The following RNF111 variants were observed in gnomAD, a reference collection of about 807,000 sequenced individuals.
RNF111 encodes E3 ubiquitin-protein ligase Arkadia.
In RNF111, 17 loss-of-function variants were observed where a neutral mutation model predicts 95.1. The observed-to-expected ratio is 0.18, with a 90% CI of 0.12 to 0.27. RNF111 has a LOEUF of 0.27. Among genes scored for constraint, RNF111 ranks in the 10% least tolerant of loss-of-function variants. RNF111 has a pLI of 1.00. For missense variants in RNF111, 1,189 were observed against 1,210.4 expected (o/e 0.98, Z 0.26); for synonymous variants, 440 against 414.8 (o/e 1.06, Z -0.74).
intron 1 of RNF111, among the ~76,000 whole-genome samples, chr15:59,022,538 A>G (rs997063920): frequency 2.0e-5 from 3 of 152,200 alleles, no homozygotes; most frequent in African/African-American, 7.2e-5. Flanking sequence ...CCAACATGGA[A>G]TGGAGGATGT....
At chr15:59,088,509 G>A (rs551062588) in intron 10 of RNF111, among the ~76,000 whole-genome samples, 4 of 152,304 alleles carry the variant, frequency 2.6e-5, no homozygotes, top group South Asian at 2.1e-4. Context: ...TGAAGTGTCC[G>A]TTAAAGCTAT....
chr15:59,055,523 T>TAGTTGTTGACTCATTCAGCAA (rs6145581), intron 3 of RNF111, among the ~76,000 whole-genome samples, 159 bp from the exon 4 acceptor site: 1 of 151,680 alleles, frequency 6.6e-6, no homozygotes, highest in Non-Finnish European at 1.5e-5. Flanking sequence ...TTAGGTCAAT[T>TAGTTGTTGACTCATTCAGCAA]AGTTTACCGA....
At chr15:59,001,339 C>G (rs2039315521) in intron 1 of RNF111, among the ~76,000 whole-genome samples, 1 of 152,102 alleles carries the variant, frequency 6.6e-6, no homozygotes, top group Non-Finnish European at 1.5e-5. Flanking sequence ...TTTTACCTCT[C>G]TTCTCTTTTC....
chr15:59,052,544 G>C (rs2042032640), intron 3 of RNF111, 113 bp downstream of exon 3: 1 of 626,504 alleles, frequency 1.6e-6, no homozygotes, highest in Admixed American at 4.1e-5. Context: ...GACCCAGTTT[G>C]AGTATGCATA....
At chr15:59,051,350 C>G (rs1323027302) in intron 2 of RNF111, among the ~76,000 whole-genome samples, 1 of 150,766 alleles carries the variant, frequency 6.6e-6, no homozygotes, top group African/African-American at 2.4e-5. Flanking sequence ...TCTAGCTACT[C>G]GGGAGGCTGA....
chr15:59,080,238 A>G (rs1349559685), intron 7 of RNF111, among the ~76,000 whole-genome samples: 4 of 148,708 alleles, frequency 2.7e-5, no homozygotes, highest in Non-Finnish European at 5.9e-5. Flanking sequence ...CTCCTGCCTC[A>G]GCCTCCCTAG....
At chr15:59,007,041 C>A (rs747968811) in intron 1 of RNF111, among the ~76,000 whole-genome samples, 2 of 152,174 alleles carry the variant, frequency 1.3e-5, no homozygotes, top group Non-Finnish European at 2.9e-5. Flanking sequence ...CTGCCTCAGC[C>A]TCTTGAAGTG....
chr15:59,031,384 G>A lies in RNF111; in HGVS notation c.562G>A (p.Glu188Lys). 6.2e-7 allele frequency: 1 copy of A among 1,614,186 alleles called. No individual in the cohort carries two copies. The highest frequency in any genetic ancestry group is 8.5e-7 in the Non-Finnish European group (1 of 1,180,026). The change falls in exon 2 of 14, where the codon GAG (glutamate) becomes AAG (lysine). Residue 188 changes from glutamate to lysine, a missense_variant. By Grantham distance (56) the Glu-to-Lys change is moderately conservative. This residue lies in a region of RNF111 where 1,024 missense variants were observed against 925.9 expected (regional missense o/e 1.11). Transcript: ENST00000348370. Reference sequence around the variant, plus strand: ...ACGGTCTCATAAGTGGCCTCGGACTGAGACAGAATCTGTATCGGGATTGTT... The same window carrying A: ...ACGGTCTCATAAGTGGCCTCGGACTAAGACAGAATCTGTATCGGGATTGTT... Reference protein sequence around the residue: ...SARSHKWPRTETESVSGLLMK... With the variant: ...SARSHKWPRTKTESVSGLLMK...
At position 59,032,905 on chromosome 15, in the gene RNF111, T is replaced by TCA. The variant is rs1242525419; in HGVS notation, c.880+1212_880+1213dup. Among the ~76,000 whole-genome samples, 14 of 152,128 alleles carry TCA rather than the reference T, an allele frequency of 9.2e-5. No homozygotes were observed. The South Asian group carries it at 2.5e-3, about 27-fold the overall frequency. ...TGCGTGCTGACTCTCTCTCTCTCTC[T>TCA]CACACACACAGTAAATGTGATATTT... On this transcript the variant is annotated intron_variant, in intron 2 of 13. Coordinates refer to ENST00000348370, the MANE Select transcript of RNF111 (RefSeq NM_017610.8).
At chr15:58,989,526 G>C (rs1186761396) in intron 1 of RNF111, among the ~76,000 whole-genome samples, 7 of 152,218 alleles carry the variant, frequency 4.6e-5, no homozygotes, top group Admixed American at 3.9e-4. Context: ...ATCATGTGCA[G>C]ATCCTTCTGT....
chr15:59,065,975 A>G (rs1156383859), intron 5 of RNF111, among the ~76,000 whole-genome samples: 1 of 152,016 alleles, frequency 6.6e-6, no homozygotes, highest in African/African-American at 2.4e-5. Context: ...GGATAGTGAG[A>G]CTTCACCAGA....
intron 1 of RNF111, among the ~76,000 whole-genome samples, chr15:59,004,820 A>C (rs959379175): frequency 1.3e-5 from 2 of 152,200 alleles, no homozygotes; most frequent in Non-Finnish European, 2.9e-5. Flanking sequence ...ATATCAGAGA[A>C]AGAGTAGGTT....
intron 1 of RNF111, among the ~76,000 whole-genome samples, chr15:59,020,169 G>GT (rs1423813509): frequency 6.8e-6 from 1 of 148,062 alleles, no homozygotes; most frequent in Non-Finnish European, 1.5e-5. Flanking sequence ...TGTTAGATAT[G>GT]TAATATGCAA....
chr15:59,009,833 C>G (rs550589362), intron 1 of RNF111, among the ~76,000 whole-genome samples: 59 of 152,178 alleles, frequency 3.9e-4, no homozygotes, highest in African/African-American at 1.3e-3. Context: ...GCTCATGTCT[C>G]TAGTCCCAGT....
intron 1 of RNF111, among the ~76,000 whole-genome samples, chr15:59,000,214 A>G (rs1596036316): frequency 7.0e-6 from 1 of 142,010 alleles, no homozygotes; most frequent in East Asian, 2.1e-4. Context: ...CCCAGGCTAG[A>G]GTGCAGTGGT....
intron 1 of RNF111, among the ~76,000 whole-genome samples, chr15:58,995,058 T>C (rs1596019507): frequency 1.3e-5 from 2 of 152,230 alleles, no homozygotes; most frequent in African/African-American, 4.8e-5. Flanking sequence ...TTTAGTCTCC[T>C]GTAATGTGGA....
chr15:59,040,630 G>T (rs1237284230), intron 2 of RNF111, among the ~76,000 whole-genome samples: 1 of 152,050 alleles, frequency 6.6e-6, no homozygotes, highest in Admixed American at 6.6e-5. Context: ...TTGCCTTGTC[G>T]TATATATGCC....
Position 59,076,219 on chromosome 15 carries a change from A to G in RNF111, c.1948+4A>G. On this transcript the variant is annotated splice_donor_region_variant and intron_variant, in intron 7 of 13. Transcript: ENST00000348370. ...CGACATTACATGCCACCCCCTTGTA[A>G]GTATATACTTAGTGGACACAAAATC... 6.2e-7 allele frequency: 1 copy of G among 1,612,040 alleles called. No homozygotes were observed. Among genetic ancestry groups the G allele is most frequent in the Non-Finnish European group, 8.5e-7 (1 of 1,179,282 alleles).
At chr15:59,027,833 C>T (rs1166985907) in intron 1 of RNF111, among the ~76,000 whole-genome samples, 3 of 149,632 alleles carry the variant, frequency 2.0e-5, no homozygotes, top group Non-Finnish European at 4.5e-5. Flanking sequence ...GCACCTGGCC[C>T]ACCTTTTTTT....
Sources: allele counts gnomAD v4.1 joint callset (sites outside exome capture counted in the v4.1 genomes callset), GRCh38; gene constraint gnomAD v4.1.1; regional missense constraint gnomAD v4.1.1; transcripts MANE v1.5; gene names NCBI Gene and HGNC (gene_info 2026-07-23, HGNC 2026-07-21).